The following DNER variants were observed in gnomAD, a reference collection of about 807,000 sequenced individuals.
DNER encodes the protein delta/notch like EGF repeat containing, also known as delta and Notch-like epidermal growth factor-related receptor.
DNER carries 33 observed loss-of-function variants against 78.2 expected under a neutral mutation model. That is an observed-to-expected ratio of 0.42 (90% confidence interval 0.32 to 0.56). The LOEUF (loss-of-function observed/expected upper bound fraction) is 0.56, where lower values mean the gene tolerates loss of function less well. DNER is among the 20% of genes least tolerant of loss of function. DNER has a pLI of 0.11. For synonymous variants in DNER, 417 were observed against 384.8 expected (o/e 1.08, Z -0.98); for missense variants, 918 against 975.3 (o/e 0.94, Z 0.78).
intron 5 of DNER, among the ~76,000 whole-genome samples, chr2:229,545,586 T>C (rs1170426817): frequency 2.0e-5 from 3 of 152,176 alleles, no homozygotes; most frequent in East Asian, 3.9e-4. Flanking sequence ...AAAATATATA[T>C]ATTTTAAGAG....
At chr2:229,597,177 T>A (rs58445365) in intron 1 of DNER, among the ~76,000 whole-genome samples, 2,829 of 152,366 alleles carry the variant, frequency 0.019, 90 homozygotes, top group African/African-American at 0.065. Context: ...TGGGCCCTTT[T>A]TAAAAATAAT....
intron 1 of DNER, among the ~76,000 whole-genome samples, chr2:229,625,184 A>G (rs992618957): frequency 6.6e-6 from 1 of 152,220 alleles, no homozygotes; most frequent in African/African-American, 2.4e-5. Context: ...ATTCAGAAAA[A>G]TCTGCTTCCT....
chr2:229,600,531 G>C (rs1990706), intron 1 of DNER, among the ~76,000 whole-genome samples: 149,320 of 152,338 alleles, frequency 0.98, 73,270 homozygotes, highest in East Asian at 1. Flanking sequence ...CTGGTGTGCA[G>C]CAAGTGATTA....
At chr2:229,430,387 G>T (rs1693978323) in intron 8 of DNER, among the ~76,000 whole-genome samples, 1 of 152,170 alleles carries the variant, frequency 6.6e-6, no homozygotes, top group Non-Finnish European at 1.5e-5. Context: ...TGAGTCTGTT[G>T]CCAAAGGAGA....
intron 1 of DNER, among the ~76,000 whole-genome samples, chr2:229,700,880 G>A (rs1222763192): frequency 6.7e-6 from 1 of 148,746 alleles, no homozygotes; most frequent in African/African-American, 2.5e-5. Flanking sequence ...GCGACAGAGC[G>A]AGACTCCGTC....
intron 5 of DNER, among the ~76,000 whole-genome samples, chr2:229,545,400 C>A (rs534323436): frequency 5.3e-4 from 81 of 152,222 alleles, no homozygotes; most frequent in African/African-American, 1.8e-3. Flanking sequence ...CATGGTGAAA[C>A]CCCGTCTCTA....
At chr2:229,454,536 G>A (rs1482102533) in intron 7 of DNER, among the ~76,000 whole-genome samples, 1 of 151,924 alleles carries the variant, frequency 6.6e-6, no homozygotes, top group Non-Finnish European at 1.5e-5. Context: ...GATGAGAATG[G>A]AACTAATACT....
At chr2:229,517,459 A>G (rs1395607043) in intron 5 of DNER, among the ~76,000 whole-genome samples, 2 of 152,250 alleles carry the variant, frequency 1.3e-5, no homozygotes, top group Admixed American at 1.3e-4. Context: ...AAACAGGGCC[A>G]GGACTTGCTG....
intron 6 of DNER, among the ~76,000 whole-genome samples, chr2:229,490,943 C>A (rs918456269): frequency 3.3e-5 from 5 of 152,190 alleles, no homozygotes; most frequent in Admixed American, 6.5e-5. Flanking sequence ...TAAAAATAGC[C>A]TCCTAACTGG....
intron 1 of DNER, among the ~76,000 whole-genome samples, chr2:229,645,369 G>A (rs73095307): frequency 0.028 from 4,286 of 152,210 alleles, 207 homozygotes; most frequent in African/African-American, 0.098. Flanking sequence ...TGCTACTAAC[G>A]TAGCAAGTCA....
chr2:229,618,642 G>A (rs72991622), intron 1 of DNER, among the ~76,000 whole-genome samples: 9 of 152,122 alleles, frequency 5.9e-5, no homozygotes, highest in Non-Finnish European at 1.2e-4. Flanking sequence ...CTCAGCTGCC[G>A]TCCAAATTGT....
At position 229,447,353 on chromosome 2, in the gene DNER, G is replaced by A. The variant is rs1259322953; in HGVS notation, c.1449C>T (p.Arg483=). The stretch of plus-strand genomic sequence containing the variant: ...GGCATTTGTAGCTGGTGCCCACGCT[G>A]CGGCACGTGCCATGAGCACAGGGGC... ...ALSPCAHGTC[R]SVGTSYKCLC... is the part of the protein sequence containing the mutation. The change falls in exon 8 of 13, where the codon CGC becomes CGT. Residue 483 remains arginine (R), a synonymous_variant. Transcript: ENST00000341772. 5 of 1,610,228 alleles carry A rather than the reference G, an allele frequency of 3.1e-6. No individual in the cohort carries two copies. In the African/African-American group the frequency reaches 6.7e-5, roughly 22 times the overall value.
At chr2:229,485,098 AG>A (rs1302599560) in intron 6 of DNER, among the ~76,000 whole-genome samples, 1 of 152,214 alleles carries the variant, frequency 6.6e-6, no homozygotes, top group Non-Finnish European at 1.5e-5. Context: ...CTCTCCTTTC[AG>A]GGAATTGCAG....
chr2:229,532,453 G>A (rs1211784715), intron 5 of DNER, among the ~76,000 whole-genome samples: 2 of 152,136 alleles, frequency 1.3e-5, no homozygotes, highest in South Asian at 2.1e-4. Flanking sequence ...ATCTCACTCT[G>A]TCCTTCTTTT....
chr2:229,710,495 T>C (rs2154217885), intron 1 of DNER, among the ~76,000 whole-genome samples: 1 of 152,324 alleles, frequency 6.6e-6, no homozygotes, highest in South Asian at 2.1e-4. Context: ...ACCCAGCTCA[T>C]AGGACATTGC....
chr2:229,636,691 C>T (rs1029307201), intron 1 of DNER, among the ~76,000 whole-genome samples: 1 of 152,142 alleles, frequency 6.6e-6, no homozygotes, highest in South Asian at 2.1e-4. Flanking sequence ...ACTTGTTCCC[C>T]CAAACCAGTT....
chr2:229,614,591 A>T (rs923265752), intron 1 of DNER, among the ~76,000 whole-genome samples: 2 of 152,164 alleles, frequency 1.3e-5, no homozygotes, highest in African/African-American at 4.8e-5. Flanking sequence ...GTAGCTCTGT[A>T]TGCCCCAAAG....
chr2:229,435,584 C>T (rs898930134), intron 8 of DNER, among the ~76,000 whole-genome samples: 21 of 152,124 alleles, frequency 1.4e-4, no homozygotes, highest in African/African-American at 1.4e-4. Flanking sequence ...GGTATTTTTA[C>T]GGAGTAGTAA....
intron 12 of DNER, among the ~76,000 whole-genome samples, chr2:229,358,934 A>G (rs1190116824): frequency 6.6e-6 from 1 of 152,228 alleles, no homozygotes; most frequent in Non-Finnish European, 1.5e-5. Flanking sequence ...CAGCTCCACA[A>G]TAGATTTTAA....
Sources: allele counts gnomAD v4.1 joint callset (sites outside exome capture counted in the v4.1 genomes callset), GRCh38; gene constraint gnomAD v4.1.1; transcripts MANE v1.5; gene names NCBI Gene and HGNC (gene_info 2026-07-23, HGNC 2026-07-21).